Variants in TRIM33 observed in about 807,000 individuals in gnomAD.
TRIM33 encodes the protein E3 ubiquitin-protein ligase TRIM33.
A neutral mutation model predicts 125.4 loss-of-function variants in TRIM33; 20 were observed. That is an observed-to-expected ratio of 0.16 (90% CI 0.11 to 0.23). TRIM33 has a LOEUF of 0.23. Among genes scored for constraint, TRIM33 ranks in the 10% least tolerant of loss-of-function variants. The pLI is 1.00. For missense variants in TRIM33, 920 were observed against 1,411.4 expected, an observed-to-expected ratio of 0.65 and a Z score of 5.58; for synonymous variants, 564 against 513.9, an observed-to-expected ratio of 1.10 and a Z score of -1.32.
Position 114,425,581 on chromosome 1 carries a change from T to C in TRIM33, c.1563A>G (p.Gln521=), listed in dbSNP as rs1445847216. The C allele has an allele frequency of 8.7e-6, 14 of 1,614,164 alleles. 1 individual carries two copies. In the East Asian group the frequency reaches 3.1e-4, roughly 36 times the overall value. ...GCTGATGTTTCTGTGCATATACTTG[T>C]TGTTGCATGTGCTGGAGTCGAAGCT... is the stretch of plus-strand genomic sequence containing the variant. ...LAQLRLQHMQ[Q]QVYAQKHQQL... Residue 521 remains glutamine (Q), a synonymous_variant, in exon 9 of 20, where the codon CAA becomes CAG. Transcript: ENST00000358465.
chr1:114,404,132 T>C (rs760808290), intron 15 of TRIM33, among the ~76,000 whole-genome samples: 49 of 152,020 alleles, frequency 3.2e-4, no homozygotes, highest in Non-Finnish European at 6.3e-4. Context: ...TACTAACCAA[T>C]CTATTTGTTT....
At chr1:114,456,546 A>G (rs1649639809) in intron 4 of TRIM33, among the ~76,000 whole-genome samples, 1 of 152,188 alleles carries the variant, frequency 6.6e-6, no homozygotes, top group Non-Finnish European at 1.5e-5. Flanking sequence ...AGCAGGCCAA[A>G]GGAAAACAGT....
At chr1:114,459,245 G>C (rs1649802826) in intron 4 of TRIM33, among the ~76,000 whole-genome samples, 2 of 152,126 alleles carry the variant, frequency 1.3e-5, no homozygotes, top group Admixed American at 1.3e-4. Flanking sequence ...CCTAACCTAG[G>C]AAGGGAAGGG....
chr1:114,458,891 G>A (rs1007211565), intron 4 of TRIM33, among the ~76,000 whole-genome samples: 66 of 152,124 alleles, frequency 4.3e-4, no homozygotes, highest in African/African-American at 1.6e-3. Context: ...ATTTAACAGA[G>A]TTAAACTCAA....
intron 9 of TRIM33, among the ~76,000 whole-genome samples, 184 bp downstream of exon 9, chr1:114,425,265 T>C (rs983406295): frequency 6.6e-6 from 1 of 152,230 alleles, no homozygotes; most frequent in Non-Finnish European, 1.5e-5. Flanking sequence ...ACAATTTACT[T>C]ACTGCCTTTC....
chr1:114,427,400 G>A (rs1352176641), intron 7 of TRIM33, 106 bp from the exon 8 acceptor site: 2 of 653,722 alleles, frequency 3.1e-6, no homozygotes, highest in Admixed American at 2.6e-5. Context: ...CACAGTGTCA[G>A]CCTCAGATTA....
intron 1 of TRIM33, among the ~76,000 whole-genome samples, chr1:114,492,848 T>C (rs2101541319): frequency 6.6e-6 from 1 of 152,384 alleles, no homozygotes; most frequent in Middle Eastern, 3.4e-3. Flanking sequence ...TTTTGGCTAC[T>C]GTGAATAATG....
At chr1:114,472,434 A>G (rs1650703860) in intron 1 of TRIM33, among the ~76,000 whole-genome samples, 1 of 152,260 alleles carries the variant, frequency 6.6e-6, no homozygotes, top group African/African-American at 2.4e-5. Flanking sequence ...AAGTGATTGA[A>G]AACAAAATAC....
chr1:114,449,383 AGAGCCTATG>A (rs1227618176), intron 4 of TRIM33, among the ~76,000 whole-genome samples: 1 of 152,228 alleles, frequency 6.6e-6, no homozygotes, highest in African/African-American at 2.4e-5. Context: ...AGGCACATGT[AGAGCCTATG>A]GAATTAAAGT....
At chr1:114,439,426 G>A (rs911151258) in intron 4 of TRIM33, among the ~76,000 whole-genome samples, 9 of 134,926 alleles carry the variant, frequency 6.7e-5, no homozygotes, top group Admixed American at 1.7e-4. Flanking sequence ...CCAAGATTGC[G>A]CCACGGCACT....
chr1:114,453,193 A>G (rs1649420793), intron 4 of TRIM33, among the ~76,000 whole-genome samples: 1 of 151,906 alleles, frequency 6.6e-6, no homozygotes, highest in African/African-American at 2.4e-5. Context: ...GCAAAACTGC[A>G]TCTCTACTAA....
rs1653348442 is a variant in TRIM33 at position 114,511,131 on chromosome 1, C to T, written c.-55G>A. The T allele has an allele frequency of 9.1e-7, 1 of 1,095,676 alleles. No individual in the cohort carries two copies. Among genetic ancestry groups the T allele is most frequent in the Non-Finnish European group, 1.1e-6 (1 of 904,238 alleles). 67.9% of individuals were successfully genotyped at this position (1,095,676 alleles called of 1,614,324 possible). A position where few individuals can be genotyped will look rare whatever the true frequency, so the allele number is the denominator to read the frequency against. ...CCGCGCCGCCCGCCGCCCGCGTCGC[C>T]GCCGCCGCCGCCCCCAGCCCCAGCC... On this transcript the variant is annotated 5_prime_UTR_variant, in exon 1 of 20. Coordinates refer to ENST00000358465, the MANE Select transcript of TRIM33 (RefSeq NM_015906.4).
intron 11 of TRIM33, among the ~76,000 whole-genome samples, chr1:114,418,274 T>C (rs1653059701): frequency 6.6e-6 from 1 of 152,180 alleles, no homozygotes; most frequent in Non-Finnish European, 1.5e-5. Flanking sequence ...TCCAATCACT[T>C]CCTAACAGGT....
At chr1:114,420,494 A>T in intron 11 of TRIM33, 1 of 1,021,892 alleles carries the variant, frequency 9.8e-7, no homozygotes, top group Non-Finnish European at 1.4e-6. Context: ...TTTTAGCAAA[A>T]GTGATATTAA....
At chr1:114,409,915 C>T (rs1180470389) in intron 12 of TRIM33, among the ~76,000 whole-genome samples, 1 of 152,082 alleles carries the variant, frequency 6.6e-6, no homozygotes, top group East Asian at 1.9e-4. Context: ...GAGCCCTGTT[C>T]TCTCCCCTAC....
intron 1 of TRIM33, among the ~76,000 whole-genome samples, chr1:114,490,398 A>T (rs1283179518): frequency 6.6e-6 from 1 of 152,200 alleles, no homozygotes; most frequent in African/African-American, 2.4e-5. Context: ...ATTGTTGGCA[A>T]CATTATAGAG....
At chr1:114,461,246 ATATTT>A (rs1649971835) in intron 4 of TRIM33, among the ~76,000 whole-genome samples, 1 of 145,232 alleles carries the variant, frequency 6.9e-6, no homozygotes, top group Admixed American at 6.9e-5. Context: ...ACATATATTT[ATATTT>A]TATATTTTAT....
intron 10 of TRIM33, among the ~76,000 whole-genome samples, chr1:114,423,740 T>C (rs538983777): frequency 4.7e-4 from 72 of 152,198 alleles, no homozygotes; most frequent in East Asian, 1.9e-4. Context: ...TGGGCGTACA[T>C]GGACCAAAAA....
At chr1:114,445,012 A>G (rs1157097321) in intron 4 of TRIM33, among the ~76,000 whole-genome samples, 2 of 152,248 alleles carry the variant, frequency 1.3e-5, no homozygotes, top group South Asian at 2.1e-4. Context: ...AAATTCTAGA[A>G]AAGTACAATA....
Sources: gnomAD v4.1 joint callset for allele counts (sites outside exome capture counted in the v4.1 genomes callset) on GRCh38, gnomAD v4.1.1 for gene constraint, MANE v1.5 for transcripts, NCBI Gene and HGNC (gene_info 2026-07-23, HGNC 2026-07-21) for gene names.